The following DNM3 variants were observed in gnomAD, a reference collection of about 807,000 sequenced individuals.
The protein encoded by DNM3 is dynamin-3.
Under a neutral mutation model 101.6 loss-of-function variants are expected in DNM3, and 47 were observed. The ratio of observed to expected loss-of-function variants is 0.46; its 90% confidence interval spans 0.37 to 0.59. The LOEUF is 0.59. DNM3 is among the 20% of genes least tolerant of loss of function. DNM3 has a pLI of 0.00. For synonymous variants in DNM3, 385 were observed against 387.9 expected, an observed-to-expected ratio of 0.99 and a Z score of 0.09; for missense variants, 849 against 1,085.7, an observed-to-expected ratio of 0.78 and a Z score of 3.06.
intron 1 of DNM3, among the ~76,000 whole-genome samples, chr1:171,883,592 C>T (rs2036514941): frequency 6.6e-6 from 1 of 151,964 alleles, no homozygotes; most frequent in Non-Finnish European, 1.5e-5. Flanking sequence ...CTGCCACAGC[C>T]TCCTGAGTAG....
chr1:172,401,470 A>T (rs2070478836), intron 20 of DNM3, among the ~76,000 whole-genome samples: 1 of 152,298 alleles, frequency 6.6e-6, no homozygotes, highest in South Asian at 2.1e-4. Context: ...ACAGGATATT[A>T]CCTGTTTGTA....
chr1:172,197,812 G>A (rs1441358545), intron 14 of DNM3, among the ~76,000 whole-genome samples: 1 of 152,040 alleles, frequency 6.6e-6, no homozygotes, highest in Non-Finnish European at 1.5e-5. Context: ...CTTTTGGGCT[G>A]AGACTCTGTG....
rs1573014576 is a variant in DNM3, at chr1:172,224,884, A to G, written c.1660-28689A>G. On this transcript the variant is annotated intron_variant, in intron 14 of 20. Transcript: ENST00000627582. ...CAGCCCTCTTGCCTTGGGGCTCTCT[A>G]GCTTCCATGGTGGCCCCTGAAGCAT... 2.0e-5 allele frequency among the ~76,000 whole-genome samples: 3 copies of G among 152,272 alleles called. No homozygotes were observed. The South Asian group carries it at 6.2e-4, about 32-fold the overall frequency.
chr1:172,337,345 C>T (rs2066476430), intron 17 of DNM3, among the ~76,000 whole-genome samples: 1 of 152,204 alleles, frequency 6.6e-6, no homozygotes, highest in African/African-American at 2.4e-5. Flanking sequence ...GATTACACAT[C>T]TCAGTCGTTC....
rs1430529183 is a variant in DNM3, at chr1:172,216,914, T to G, written c.1660-36659T>G. ...CTGTAATTGGATATGTATCTAGATATTTACTATCATAATGGATTCTGGAAA... is the reference window on the plus strand; with the variant it reads ...CTGTAATTGGATATGTATCTAGATAGTTACTATCATAATGGATTCTGGAAA... On this transcript the variant is annotated intron_variant, in intron 14 of 20. Transcript: ENST00000627582. Among the ~76,000 whole-genome samples, 3 of 152,124 alleles carry G rather than the reference T, an allele frequency of 2.0e-5. No individual in the cohort carries two copies. The East Asian group carries it at 5.8e-4, about 29-fold the overall frequency.
chr1:172,330,201 T>C (rs552818926), intron 17 of DNM3, among the ~76,000 whole-genome samples: 6 of 152,316 alleles, frequency 3.9e-5, no homozygotes, highest in East Asian at 1.9e-4. Flanking sequence ...TGAAACATTG[T>C]TCATAATTAC....
intron 16 of DNM3, among the ~76,000 whole-genome samples, chr1:172,314,198 G>C (rs1021385555): frequency 2.6e-5 from 4 of 152,170 alleles, no homozygotes; most frequent in African/African-American, 9.7e-5. Flanking sequence ...CAAAGACTTA[G>C]GACCCAAATG....
chr1:171,896,378 G>A (rs1235265626), intron 1 of DNM3, among the ~76,000 whole-genome samples: 1 of 151,972 alleles, frequency 6.6e-6, no homozygotes, highest in East Asian at 1.9e-4. Context: ...TGGATTCCTG[G>A]GTATTTTATT....
At chr1:172,346,080 G>A (rs1179105307) in intron 17 of DNM3, among the ~76,000 whole-genome samples, 1 of 143,028 alleles carries the variant, frequency 7.0e-6, no homozygotes, top group Non-Finnish European at 1.5e-5. Context: ...CCGAGATCGT[G>A]CCACTGCATT....
At chr1:171,893,581 A>G (rs1022541) in intron 1 of DNM3, among the ~76,000 whole-genome samples, 112,354 of 151,816 alleles carry the variant, frequency 0.74, 42,087 homozygotes, top group African/African-American at 0.87. Flanking sequence ...AGCCTCCCAA[A>G]TAACTAGGAC....
chr1:172,202,531 A>C (rs554761631), intron 14 of DNM3, among the ~76,000 whole-genome samples: 17 of 152,254 alleles, frequency 1.1e-4, no homozygotes, highest in African/African-American at 3.8e-4. Context: ...ACACTTCATT[A>C]CTTTATATAT....
chr1:172,158,515 G>A (rs578195032), intron 14 of DNM3, among the ~76,000 whole-genome samples: 1 of 151,760 alleles, frequency 6.6e-6, no homozygotes, highest in African/African-American at 2.4e-5. Flanking sequence ...CAGACAGTGT[G>A]CAGTGAGAAG....
At chr1:172,359,981 C>T (rs2067659523) in intron 17 of DNM3, among the ~76,000 whole-genome samples, 1 of 151,944 alleles carries the variant, frequency 6.6e-6, no homozygotes, top group African/African-American at 2.4e-5. Context: ...CAACTGTATA[C>T]TATGACCTTG....
intron 14 of DNM3, among the ~76,000 whole-genome samples, chr1:172,251,970 C>A (rs2062187681): frequency 6.6e-6 from 1 of 152,108 alleles, no homozygotes; most frequent in Admixed American, 6.6e-5. Flanking sequence ...CTGGACTCAA[C>A]TATGGTATCT....
intron 14 of DNM3, among the ~76,000 whole-genome samples, chr1:172,248,091 T>C (rs1245542963): frequency 1.3e-5 from 2 of 152,194 alleles, no homozygotes; most frequent in African/African-American, 4.8e-5. Flanking sequence ...TTTTTTTGTA[T>C]GCTTTTGAAG....
At chr1:171,876,984 T>C (rs2035845385) in intron 1 of DNM3, among the ~76,000 whole-genome samples, 1 of 152,254 alleles carries the variant, frequency 6.6e-6, no homozygotes, top group Admixed American at 6.5e-5. Context: ...ACTTGTGTTC[T>C]ATTTTATGGT....
intron 8 of DNM3, among the ~76,000 whole-genome samples, chr1:172,044,173 A>G (rs1036561431): frequency 3.9e-5 from 6 of 152,222 alleles, no homozygotes; most frequent in Non-Finnish European, 7.4e-5. Flanking sequence ...CAGAGTTAAA[A>G]TCCACTGCCC....
chr1:172,331,581 C>T (rs2066186084), intron 17 of DNM3, among the ~76,000 whole-genome samples: 1 of 151,994 alleles, frequency 6.6e-6, no homozygotes, highest in South Asian at 2.1e-4. Flanking sequence ...TGCTAGGCAC[C>T]CCACCAGACA....
intron 16 of DNM3, among the ~76,000 whole-genome samples, chr1:172,315,456 T>A (rs2148891291): frequency 6.6e-6 from 1 of 152,222 alleles, no homozygotes; most frequent in Admixed American, 6.5e-5. Context: ...CAGGAGGAAA[T>A]TCAAACCAAA....
Sources: allele counts gnomAD v4.1 joint callset (sites outside exome capture counted in the v4.1 genomes callset), GRCh38; gene constraint gnomAD v4.1.1; transcripts MANE v1.5; gene names NCBI Gene and HGNC (gene_info 2026-07-23, HGNC 2026-07-21).